RAB33A: variants seen among roughly 807,000 people sequenced by gnomAD.
The protein encoded by RAB33A is ras-related protein Rab-33A.
Under a neutral mutation model 12.0 loss-of-function variants are expected in RAB33A, and 6 were observed. The observed-to-expected ratio is 0.50, with a 90% confidence interval of 0.27 to 0.99. RAB33A has a LOEUF of 0.99. Among genes scored for constraint, RAB33A ranks in the 50% least tolerant of loss-of-function variants. The probability of loss-of-function intolerance (pLI) is 0.11; values close to 1 mark genes in which losing one functional copy is unlikely to be tolerated. For synonymous variants in RAB33A, 70 were observed against 82.4 expected (o/e 0.85, Z 0.81); for missense variants, 109 against 192.0 (o/e 0.57, Z 2.55).
chrX:130,171,909 A>G, upstream of RAB33A: 1 of 643,658 alleles, frequency 1.6e-6, no homozygotes, highest in Non-Finnish European at 2.2e-6. Flanking sequence ...GCGCGCGCGC[A>G]CACGGTGCCG....
chrX:130,139,924 A>C, the RAB33A span: 1 of 1,008,125 alleles, frequency 9.9e-7, no homozygotes, highest in South Asian at 1.9e-5. Flanking sequence ...AGCCAGCCCA[A>C]ACAATACTCC....
chrX:130,117,591 C>T, the RAB33A span, among the ~76,000 whole-genome samples: 12 of 112,074 alleles, frequency 1.1e-4, no homozygotes, highest in African/African-American at 3.2e-4. Context: ...AAAATGAGGA[C>T]GAACTGGCTT....
At chrX:130,122,198 C>G in the RAB33A span, among the ~76,000 whole-genome samples, 2 of 112,258 alleles carry the variant, frequency 1.8e-5, no homozygotes, top group Middle Eastern at 4.6e-3. Flanking sequence ...GTCTCATCAC[C>G]TCTCCACTGG....
the RAB33A span, among the ~76,000 whole-genome samples, chrX:130,135,287 A>G: frequency 1.6e-4 from 17 of 109,412 alleles, no homozygotes; most frequent in South Asian, 6.7e-3. Flanking sequence ...GGGTTTCACC[A>G]TGTTAGCCAG....
chrX:130,138,997 G>C, the RAB33A span, among the ~76,000 whole-genome samples: 2 of 111,164 alleles, frequency 1.8e-5, no homozygotes, highest in Admixed American at 1.9e-4. Context: ...AGCATTTAGT[G>C]TGCAGAGGCC....
chrX:130,148,833 CAAAAAAA>C, the RAB33A span, among the ~76,000 whole-genome samples: 1 of 21,529 alleles, frequency 4.6e-5, no homozygotes, highest in Non-Finnish European at 7.3e-5. Flanking sequence ...AACTCCATCT[CAAAAAAA>C]AAAAAAAAAA....
At chrX:130,116,099 C>CTTT in the RAB33A span, among the ~76,000 whole-genome samples, 29 of 63,035 alleles carry the variant, frequency 4.6e-4, no homozygotes, top group African/African-American at 1.2e-3. Context: ...ACCCCAGGTC[C>CTTT]TTTTTTTTTT....
the RAB33A span, among the ~76,000 whole-genome samples, chrX:130,152,533 C>T: frequency 5.4e-5 from 6 of 111,637 alleles, no homozygotes; most frequent in Non-Finnish European, 1.9e-5. Flanking sequence ...ATTTATTCAA[C>T]TTAATGGGAT....
At chrX:130,136,036 C>A in the RAB33A span, 14 of 1,211,686 alleles carry the variant, frequency 1.2e-5, no homozygotes, top group Non-Finnish European at 1.6e-5. Context: ...CATGCTGTAG[C>A]ACACTTACCA....
the RAB33A span, among the ~76,000 whole-genome samples, chrX:130,152,119 A>C: frequency 9.0e-6 from 1 of 111,220 alleles, no homozygotes; most frequent in East Asian, 2.8e-4. Context: ...AAGAGAAAAG[A>C]AAAGAAAAAA....
chrX:130,155,455 C>G, the RAB33A span, among the ~76,000 whole-genome samples: 1 of 112,468 alleles, frequency 8.9e-6, no homozygotes, highest in African/African-American at 3.2e-5. Context: ...TTTCATCAAA[C>G]CACATTATCA....
intron 1 of RAB33A, among the ~76,000 whole-genome samples, chrX:130,181,766 G>A (rs1289701098): frequency 9.1e-6 from 1 of 110,204 alleles, no homozygotes; most frequent in Non-Finnish European, 1.9e-5. Flanking sequence ...GGCCAACATG[G>A]TGAAACCCCA....
chrX:130,166,099 A>G, the RAB33A span, among the ~76,000 whole-genome samples: 1 of 111,614 alleles, frequency 9.0e-6, no homozygotes, highest in Non-Finnish European at 1.9e-5. Flanking sequence ...AGAACTGATA[A>G]CAGCATCTCA....
chrX:130,146,726 C>T, the RAB33A span, among the ~76,000 whole-genome samples: 1 of 111,056 alleles, frequency 9.0e-6, no homozygotes, highest in Non-Finnish European at 1.9e-5. Flanking sequence ...CCAAGTCTGT[C>T]GTGCAAAAAT....
chrX:130,171,081 A>C (rs1026188522), upstream of RAB33A, among the ~76,000 whole-genome samples: 2 of 112,723 alleles, frequency 1.8e-5, no homozygotes, highest in South Asian at 3.6e-4. Context: ...TGATAAGGGG[A>C]TGTTGGCGCC....
the RAB33A span, among the ~76,000 whole-genome samples, chrX:130,116,935 C>A: frequency 8.9e-6 from 1 of 112,114 alleles, no homozygotes; most frequent in Non-Finnish European, 1.9e-5. Context: ...ATACATTGGC[C>A]GGGTGCTGTG....
chrX:130,157,308 T>C, the RAB33A span, among the ~76,000 whole-genome samples: 1 of 112,578 alleles, frequency 8.9e-6, no homozygotes, highest in African/African-American at 3.2e-5. Context: ...GTGATGATCA[T>C]AACAGCACCT....
chrX:130,123,878 A>G, the RAB33A span, among the ~76,000 whole-genome samples: 7 of 110,901 alleles, frequency 6.3e-5, no homozygotes, highest in Non-Finnish European at 1.1e-4. Context: ...TATTCTTTCC[A>G]AAGTGATGAC....
chrX:130,170,804 A>G (rs1241121050), upstream of RAB33A, among the ~76,000 whole-genome samples: 4 of 112,665 alleles, frequency 3.6e-5, no homozygotes, highest in Non-Finnish European at 7.5e-5. Flanking sequence ...GGAGGGACTT[A>G]TGGTTATATG....
Sources: gnomAD v4.1 joint callset for allele counts (sites outside exome capture counted in the v4.1 genomes callset) on GRCh38, gnomAD v4.1.1 for gene constraint, MANE v1.5 for transcripts, NCBI Gene and HGNC (gene_info 2026-07-23, HGNC 2026-07-21) for gene names.